Variants in PRKAR1B observed in about 807,000 individuals in gnomAD.
The protein encoded by PRKAR1B is protein kinase cAMP-dependent type I regulatory subunit beta, also known as cAMP-dependent protein kinase type I-beta regulatory subunit.
A neutral mutation model predicts 46.5 loss-of-function variants in PRKAR1B; 22 were observed. The ratio of observed to expected loss-of-function variants is 0.47; its 90% CI spans 0.34 to 0.68. The LOEUF (loss-of-function observed/expected upper bound fraction) is 0.68, where lower values mean the gene tolerates loss of function less well. PRKAR1B is among the 30% of genes least tolerant of loss of function. PRKAR1B has a pLI of 0.01. For synonymous variants in PRKAR1B, 259 were observed against 217.7 expected (o/e 1.19, Z -1.67); for missense variants, 445 against 535.6 (o/e 0.83, Z 1.67).
At position 623,789 on chromosome 7, in the gene PRKAR1B, C is replaced by A. The variant is rs192282842; in HGVS notation, c.441-16337G>T. Among the ~76,000 whole-genome samples the A allele has an allele frequency of 5.9e-5, 9 of 152,358 alleles. No individual in the cohort carries two copies. In the East Asian group the frequency reaches 1.7e-3, roughly 29 times the overall value. On this transcript the variant is annotated intron_variant, in intron 4 of 10. Coordinates refer to ENST00000537384, the MANE Select transcript of PRKAR1B (RefSeq NM_001164760.2). ...TGAAGTCTTCCATGCCATGCTTTAACACACGTCACTGAATAACGTTTTCTT... is the reference window on the plus strand; with the variant it reads ...TGAAGTCTTCCATGCCATGCTTTAAAACACGTCACTGAATAACGTTTTCTT...
chr7:550,716 G>C (rs1162279127), intron 10 of PRKAR1B, 114 bp from the exon 11 acceptor site: 1 of 840,656 alleles, frequency 1.2e-6, no homozygotes, highest in African/African-American at 1.7e-5. Flanking sequence ...GGATGTGCCA[G>C]GCACACGTGA....
intron 2 of PRKAR1B, among the ~76,000 whole-genome samples, chr7:709,472 G>A (rs908018258): frequency 1.3e-5 from 2 of 149,536 alleles, no homozygotes; most frequent in Admixed American, 6.8e-5. Context: ...CCAGGTACAC[G>A]CCATTCTCCT....
chr7:647,688 C>A (rs1784686696), intron 4 of PRKAR1B, among the ~76,000 whole-genome samples: 1 of 151,626 alleles, frequency 6.6e-6, no homozygotes, highest in South Asian at 2.1e-4. Flanking sequence ...CGCCTGTAGT[C>A]CCAGCTACTC....
intron 2 of PRKAR1B, among the ~76,000 whole-genome samples, chr7:695,585 G>A (rs1164507444): frequency 6.6e-6 from 1 of 152,190 alleles, no homozygotes; most frequent in Non-Finnish European, 1.5e-5. Context: ...GCCCACTGGA[G>A]TCTGCAAGCT....
intron 2 of PRKAR1B, among the ~76,000 whole-genome samples, chr7:707,636 A>C (rs184143146): frequency 6.6e-6 from 1 of 152,300 alleles, no homozygotes; most frequent in East Asian, 1.9e-4. Context: ...AAGTTACAAG[A>C]GGTCATTGGG....
chr7:628,464 T>C (rs1338444648), intron 4 of PRKAR1B, among the ~76,000 whole-genome samples: 4 of 152,238 alleles, frequency 2.6e-5, no homozygotes, highest in African/African-American at 7.2e-5. Context: ...ATTTCATTCC[T>C]GGAGGAAGAA....
intron 4 of PRKAR1B, among the ~76,000 whole-genome samples, chr7:646,366 C>T (rs1784623361): frequency 6.6e-6 from 1 of 152,226 alleles, no homozygotes; most frequent in African/African-American, 2.4e-5. Context: ...TTTAAGAGAA[C>T]AATTTCAGTG....
At chr7:619,919 T>C (rs1022698465) in intron 4 of PRKAR1B, among the ~76,000 whole-genome samples, 1 of 152,178 alleles carries the variant, frequency 6.6e-6, no homozygotes, top group Non-Finnish European at 1.5e-5. Context: ...GGTGCGATCA[T>C]AGCTCACTGT....
At chr7:673,751 C>T (rs1356665060) in intron 4 of PRKAR1B, among the ~76,000 whole-genome samples, 3 of 152,198 alleles carry the variant, frequency 2.0e-5, no homozygotes, top group Non-Finnish European at 2.9e-5. Context: ...ATCCCAGGGC[C>T]GCTGTGAGCA....
chr7:576,059 A>ACGCTGAAAT (rs1220207898), intron 9 of PRKAR1B, among the ~76,000 whole-genome samples: 10 of 150,216 alleles, frequency 6.7e-5, no homozygotes, highest in Non-Finnish European at 1.5e-4. Flanking sequence ...GCAAATGTGC[A>ACGCTGAAAT]CACAGGCATC....
intron 2 of PRKAR1B, among the ~76,000 whole-genome samples, chr7:687,951 C>T (rs1316702372): frequency 2.0e-5 from 3 of 151,034 alleles, no homozygotes; most frequent in Non-Finnish European, 4.4e-5. Flanking sequence ...CAAAAATTAG[C>T]CGGGCATGGT....
chr7:654,426 CACT>C (rs1785081425), intron 4 of PRKAR1B, among the ~76,000 whole-genome samples: 1 of 151,996 alleles, frequency 6.6e-6, no homozygotes, highest in Non-Finnish European at 1.5e-5. Context: ...TCACCATCTT[CACT>C]ACTATCACCA....
chr7:604,396 C>A (rs955475680), intron 6 of PRKAR1B, among the ~76,000 whole-genome samples: 1 of 152,228 alleles, frequency 6.6e-6, no homozygotes, highest in African/African-American at 2.4e-5. Flanking sequence ...ACCTTTGGCA[C>A]CTGCCTCAGT....
intron 6 of PRKAR1B, among the ~76,000 whole-genome samples, chr7:597,598 A>G (rs1043632106): frequency 1.3e-5 from 2 of 152,202 alleles, no homozygotes; most frequent in African/African-American, 4.8e-5. Context: ...GCGTGCAGGG[A>G]TACGTGGAGG....
intron 6 of PRKAR1B, among the ~76,000 whole-genome samples, chr7:604,249 TA>T (rs1781857475): frequency 6.6e-6 from 1 of 152,228 alleles, no homozygotes; most frequent in South Asian, 2.1e-4. Flanking sequence ...TTTCCTGGGC[TA>T]GGCTTTTTTT....
intron 2 of PRKAR1B, among the ~76,000 whole-genome samples, chr7:694,759 G>A (rs1779633385): frequency 6.6e-6 from 1 of 152,148 alleles, no homozygotes; most frequent in Non-Finnish European, 1.5e-5. Context: ...TGAAGGGCCG[G>A]GCATGGTGGC....
At position 711,479 on chromosome 7, in the gene PRKAR1B, C is replaced by T. The variant is rs376847122; in HGVS notation, c.27G>A (p.Ser9=). MASPPACP[S]EEDESLKGCE... ...AGCCCTTCAGGCTCTCGTCCTCCTC[C>T]GAGGGGCAGGCGGGCGGGGAGGCCA... Residue 9 remains serine, a synonymous_variant, in exon 2 of 11, where the codon TCG becomes TCA. Coordinates refer to ENST00000537384, the MANE Select transcript of PRKAR1B (RefSeq NM_001164760.2). 2.5e-6 allele frequency: 4 copies of T among 1,614,050 alleles called. No homozygotes were observed. The highest frequency in any genetic ancestry group is 3.3e-5 in the Admixed American group (2 of 60,028).
At chr7:713,681 A>C (rs572421886) in intron 1 of PRKAR1B, among the ~76,000 whole-genome samples, 43 of 150,500 alleles carry the variant, frequency 2.9e-4, no homozygotes, top group Non-Finnish European at 5.0e-4. Flanking sequence ...CCTGGTCCAC[A>C]CTCACCTGTC....
In PRKAR1B at chr7:550,173, G is replaced by T; in HGVS notation, c.*257C>A. 1 of 480,044 alleles carries T rather than the reference G, an allele frequency of 2.1e-6. No individual in the cohort carries two copies. Among genetic ancestry groups the T allele is most frequent in the East Asian group, 4.1e-5 (1 of 24,444 alleles). 29.7% of individuals were successfully genotyped at this position (480,044 alleles called of 1,614,324 possible). A position where few individuals can be genotyped will look rare whatever the true frequency, so the allele number is the denominator to read the frequency against. The stretch of plus-strand genomic sequence containing the variant: ...GGAGAAGCCCACAGAGGCAGCCGGG[G>T]AGGCGTGTGGGGAGGAAGCTGGCCT... On this transcript the variant is annotated 3_prime_UTR_variant, in exon 11 of 11. Transcript: ENST00000537384.
Sources: gnomAD v4.1 joint callset for allele counts (sites outside exome capture counted in the v4.1 genomes callset) on GRCh38, gnomAD v4.1.1 for gene constraint, MANE v1.5 for transcripts, NCBI Gene and HGNC (gene_info 2026-07-23, HGNC 2026-07-21) for gene names.